Variants in WDR70 observed in about 807,000 individuals in gnomAD.
WDR70 encodes the protein WD repeat domain 70.
Under a neutral mutation model 88.6 loss-of-function variants are expected in WDR70, and 53 were observed. The ratio of observed to expected loss-of-function variants is 0.60; its 90% CI spans 0.48 to 0.75. The LOEUF is 0.75. Among genes scored for constraint, WDR70 ranks in the 30% least tolerant of loss-of-function variants. WDR70 has a pLI of 0.00. For synonymous variants in WDR70, 280 were observed against 270.0 expected (o/e 1.04, Z -0.36); for missense variants, 610 against 823.2 (o/e 0.74, Z 3.17).
intron 3 of WDR70, among the ~76,000 whole-genome samples, chr5:37,382,407 T>G (rs1748455640): frequency 6.6e-6 from 1 of 151,412 alleles, no homozygotes. Flanking sequence ...TTTTTGTTTT[T>G]TTGTTTTGTT....
chr5:37,620,851 A>G (rs1262726015), intron 10 of WDR70, among the ~76,000 whole-genome samples: 2 of 152,210 alleles, frequency 1.3e-5, no homozygotes, highest in African/African-American at 4.8e-5. Flanking sequence ...GACTAAAGAA[A>G]TGAAAACAGA....
At position 37,397,041 on chromosome 5, in the gene WDR70, C is replaced by T. The variant is rs185312950; in HGVS notation, c.492+471C>T. ...CCTGTGGTCCCAGCTACTCAGGAGG[C>T]TGAGGTGGGAGGATAATTTGGGCCC... On this transcript the variant is annotated intron_variant, in intron 5 of 17. Transcript: ENST00000265107. Among the ~76,000 whole-genome samples the T allele has an allele frequency of 5.9e-3, 898 of 152,110 alleles. 32 individuals are homozygous for T. The highest frequency in any genetic ancestry group is 0.052 in the Admixed American group (793 of 15,238).
At chr5:37,382,001 T>C (rs1376645985) in intron 3 of WDR70, among the ~76,000 whole-genome samples, 1 of 73,766 alleles carries the variant, frequency 1.4e-5, no homozygotes, top group Non-Finnish European at 5.0e-5. Flanking sequence ...TGCAGTGAGC[T>C]GATATACCCC....
chr5:37,545,375 G>A (rs1206492786), intron 9 of WDR70, among the ~76,000 whole-genome samples: 1 of 151,960 alleles, frequency 6.6e-6, no homozygotes, highest in Non-Finnish European at 1.5e-5. Flanking sequence ...AAAATATACT[G>A]TTTACATTAC....
At chr5:37,734,048 T>C (rs116627923) in intron 17 of WDR70, among the ~76,000 whole-genome samples, 1,622 of 152,090 alleles carry the variant, frequency 0.011, 34 homozygotes, top group African/African-American at 0.038. Context: ...TTTTCTTATA[T>C]ATATTTTAAA....
chr5:37,576,007 T>C (rs1743038432), intron 9 of WDR70, among the ~76,000 whole-genome samples: 2 of 152,022 alleles, frequency 1.3e-5, no homozygotes, highest in South Asian at 2.1e-4. Flanking sequence ...GTCAGAAGTA[T>C]TACGAGTATA....
intron 10 of WDR70, among the ~76,000 whole-genome samples, chr5:37,644,542 G>A (rs1745184379): frequency 6.6e-6 from 1 of 152,010 alleles, no homozygotes; most frequent in African/African-American, 2.4e-5. Context: ...GGAATTGTTT[G>A]AGTAGGATTG....
intron 10 of WDR70, among the ~76,000 whole-genome samples, chr5:37,671,932 A>G (rs542215260): frequency 1.3e-4 from 20 of 152,242 alleles, no homozygotes; most frequent in African/African-American, 4.8e-4. Flanking sequence ...TACTGTGTCT[A>G]TGTAGAAAAG....
intron 5 of WDR70, among the ~76,000 whole-genome samples, chr5:37,407,299 G>C (rs1399713818): frequency 6.6e-6 from 1 of 152,100 alleles, no homozygotes; most frequent in Non-Finnish European, 1.5e-5. Context: ...AGGGGGGCTG[G>C]ATCACCTGAG....
chr5:37,451,844 A>G (rs575314139), intron 7 of WDR70, among the ~76,000 whole-genome samples: 3 of 152,242 alleles, frequency 2.0e-5, no homozygotes, highest in East Asian at 3.9e-4. Context: ...AAATACAGAA[A>G]TTAGCTGGGT....
At chr5:37,600,518 C>T (rs957807111) in intron 9 of WDR70, among the ~76,000 whole-genome samples, 14 of 118,060 alleles carry the variant, frequency 1.2e-4, no homozygotes, top group African/African-American at 4.1e-4. Flanking sequence ...CAGAGCAAGA[C>T]TCCGTCTCAA....
At chr5:37,395,188 G>A (rs944011431) in intron 4 of WDR70, among the ~76,000 whole-genome samples, 1 of 152,174 alleles carries the variant, frequency 6.6e-6, no homozygotes, top group Non-Finnish European at 1.5e-5. Context: ...GGCGGCAGGT[G>A]GAGGGGTGGT....
chr5:37,477,416 G>A (rs917850598), intron 7 of WDR70, among the ~76,000 whole-genome samples: 6 of 151,948 alleles, frequency 3.9e-5, no homozygotes, highest in Non-Finnish European at 5.9e-5. Context: ...ACTTATTACC[G>A]TTTTTTCATA....
At chr5:37,625,948 G>A (rs545929844) in intron 10 of WDR70, among the ~76,000 whole-genome samples, 3 of 149,176 alleles carry the variant, frequency 2.0e-5, no homozygotes, top group Non-Finnish European at 4.4e-5. Flanking sequence ...ACTGATTTTT[G>A]TATATTAATT....
At chr5:37,715,165 C>T (rs1378288096) in intron 13 of WDR70, among the ~76,000 whole-genome samples, 1 of 152,048 alleles carries the variant, frequency 6.6e-6, no homozygotes, top group Non-Finnish European at 1.5e-5. Context: ...GCATCTGTAT[C>T]AAATGTGTAT....
intron 10 of WDR70, among the ~76,000 whole-genome samples, chr5:37,680,414 T>C (rs1171833112): frequency 6.6e-6 from 1 of 152,212 alleles, no homozygotes; most frequent in Admixed American, 6.5e-5. Flanking sequence ...TAGATCCCAT[T>C]TGTCAATTTT....
chr5:37,593,222 T>C (rs1453776906), intron 9 of WDR70, among the ~76,000 whole-genome samples: 1 of 152,160 alleles, frequency 6.6e-6, no homozygotes, highest in Non-Finnish European at 1.5e-5. Flanking sequence ...GTTTGTTACA[T>C]AGGTATACAT....
chr5:37,726,789 GA>G, intron 16 of WDR70, 93 bp from the exon 17 acceptor site: 1 of 1,261,064 alleles, frequency 7.9e-7, no homozygotes, highest in Non-Finnish European at 1.0e-6. Context: ...GTACTCTTGA[GA>G]TTTGTGCTCA....
At chr5:37,626,925 T>A (rs1264853329) in intron 10 of WDR70, among the ~76,000 whole-genome samples, 1 of 152,164 alleles carries the variant, frequency 6.6e-6, no homozygotes, top group Non-Finnish European at 1.5e-5. Flanking sequence ...CATAGTACTC[T>A]CTAATGATCC....
Sources: allele counts gnomAD v4.1 joint callset (sites outside exome capture counted in the v4.1 genomes callset), GRCh38; gene constraint gnomAD v4.1.1; transcripts MANE v1.5; gene names NCBI Gene and HGNC (gene_info 2026-07-23, HGNC 2026-07-21).